GRIA4: variants seen among roughly 807,000 people sequenced by gnomAD.
GRIA4 encodes glutamate ionotropic receptor AMPA type subunit 4, also known as glutamate receptor 4.
A neutral mutation model predicts 104.0 loss-of-function variants in GRIA4; 34 were observed. That is an observed-to-expected ratio of 0.33 (90% confidence interval 0.25 to 0.44). The LOEUF is 0.44. Among genes scored for constraint, GRIA4 ranks in the 20% least tolerant of loss-of-function variants. The probability of loss-of-function intolerance (pLI) is 1.00; values close to 1 mark genes in which losing one functional copy is unlikely to be tolerated. For synonymous variants in GRIA4, 386 were observed against 381.9 expected (o/e 1.01, Z -0.13); for missense variants, 750 against 1,096.5 (o/e 0.68, Z 4.46).
chr11:105,869,075 G>T (rs1945526234), intron 5 of GRIA4, among the ~76,000 whole-genome samples: 1 of 152,026 alleles, frequency 6.6e-6, no homozygotes, highest in African/African-American at 2.4e-5. Context: ...TTAGAAAGGG[G>T]TGTCTAATTG....
rs12787449 is a variant in GRIA4, at chr11:105,926,915, A to T, written c.2022A>T (p.Ser674=). The T allele has an allele frequency of 6.2e-7, 1 of 1,610,064 alleles. No individual in the cohort carries two copies. Among genetic ancestry groups the T allele is most frequent in the South Asian group, 1.1e-5 (1 of 90,992 alleles). ...AAATTGCCTATGGAACACTGGATTCAGGATCAACAAAAGAATTCTTCAGAG... is the reference window on the plus strand; with the variant it reads ...AAATTGCCTATGGAACACTGGATTCTGGATCAACAAAAGAATTCTTCAGAG... ...QTEIAYGTLD[S]GSTKEFFRRS... The change falls in exon 13 of 17, where the codon TCA becomes TCT. Residue 674 remains serine, a synonymous_variant. Coordinates refer to ENST00000282499, the MANE Select transcript of GRIA4 (RefSeq NM_000829.4).
intron 3 of GRIA4, among the ~76,000 whole-genome samples, chr11:105,621,740 T>C (rs10895843): frequency 0.011 from 1,669 of 151,926 alleles, 29 homozygotes; most frequent in African/African-American, 0.039. Context: ...AAAATTGCTA[T>C]ATCAAATAAT....
chr11:105,727,219 C>G (rs1938268808), intron 3 of GRIA4, among the ~76,000 whole-genome samples: 1 of 151,770 alleles, frequency 6.6e-6, no homozygotes, highest in African/African-American at 2.4e-5. Context: ...AAAAACACAG[C>G]ACAAGAACTT....
chr11:105,766,372 G>C (rs140754343), intron 4 of GRIA4, among the ~76,000 whole-genome samples: 5 of 152,186 alleles, frequency 3.3e-5, no homozygotes, highest in Admixed American at 6.5e-5. Flanking sequence ...ATCTATGCAT[G>C]GTAGTTGAAG....
rs951865435 is a variant in GRIA4 at position 105,870,564 on chromosome 11, G to A, written c.672+8356G>A. 2.4e-4 allele frequency among the ~76,000 whole-genome samples: 36 copies of A among 151,268 alleles called. 1 individual carries two copies. Among genetic ancestry groups the A allele is most frequent in the Admixed American group, 9.9e-4 (15 of 15,154 alleles). ...GAAAGGTACAAAAAAAAAAAAGACA[G>A]AAGCAAATTATTGAAAGGGGAGTTT... On this transcript the variant is annotated intron_variant, in intron 5 of 16. Transcript: ENST00000282499.
At chr11:105,661,884 C>T (rs1395054119) in intron 3 of GRIA4, among the ~76,000 whole-genome samples, 34 of 151,590 alleles carry the variant, frequency 2.2e-4, no homozygotes, top group Admixed American at 2.0e-3. Context: ...TTCTTAATCA[C>T]GCTTATATAT....
chr11:105,823,652 A>G lies in GRIA4; in HGVS notation c.488-38372A>G, dbSNP rs566817894. 1.3e-4 allele frequency among the ~76,000 whole-genome samples: 20 copies of G among 152,228 alleles called. No homozygotes were observed. In the East Asian group the frequency reaches 3.9e-3, roughly 30 times the overall value. ...AGTCTTGGCATAATGAACAAAGTAT[A>G]ATAAGATCTATGGATATTGCAATTG... On this transcript the variant is annotated intron_variant, in intron 4 of 16. Transcript: ENST00000282499.
At chr11:105,774,128 T>C (rs1941348514) in intron 4 of GRIA4, among the ~76,000 whole-genome samples, 1 of 151,410 alleles carries the variant, frequency 6.6e-6, no homozygotes, top group African/African-American at 2.4e-5. Flanking sequence ...CATTTGCTAG[T>C]ATAGTGATAA....
chr11:105,728,262 CA>C (rs1322746202), intron 3 of GRIA4, among the ~76,000 whole-genome samples: 4 of 151,996 alleles, frequency 2.6e-5, no homozygotes, highest in Non-Finnish European at 4.4e-5. Context: ...CAACAAAGAT[CA>C]AAAAAGACAA....
At chr11:105,677,387 C>T (rs1287235810) in intron 3 of GRIA4, among the ~76,000 whole-genome samples, 3 of 151,676 alleles carry the variant, frequency 2.0e-5, no homozygotes, top group Non-Finnish European at 4.4e-5. Context: ...TTATAATTTT[C>T]CTGAACTAGG....
rs750910757 is a variant in GRIA4, at chr11:105,862,005, CT to C, written c.488-10del. ...GGGAGTAAAAGCATGTTTTTAGTAA[CT>C]TTTTTTTTCCCCAATAGGATACTCG... On this transcript the variant is annotated intron_variant, in intron 4 of 16. Transcript: ENST00000282499. 1.5e-4 allele frequency: 233 copies of C among 1,533,290 alleles called. No individual in the cohort carries two copies. Among genetic ancestry groups the C allele is most frequent in the Middle Eastern group, 1.7e-4 (1 of 5,806 alleles). The allele number at this position is 1,533,290 out of a possible 1,614,324, so 95.0% of individuals were successfully genotyped here.
intron 6 of GRIA4, among the ~76,000 whole-genome samples, chr11:105,888,359 C>T (rs1946348786): frequency 7.4e-6 from 1 of 134,670 alleles, no homozygotes; most frequent in East Asian, 2.4e-4. Flanking sequence ...TCTCGGCTCA[C>T]TGCAAGCTCC....
At position 105,979,684 on chromosome 11, in the gene GRIA4, G is replaced by T; in HGVS notation, c.2654G>T (p.Gly885Val). The change falls in exon 17 of 17, where the codon GGA (glycine) becomes GTA (valine). Residue 885 changes from glycine (G) to valine (V), a missense_variant. This residue lies in a region of GRIA4 where 68 missense variants were observed against 69.3 expected (regional missense o/e 0.98). Coordinates refer to ENST00000282499, the MANE Select transcript of GRIA4 (RefSeq NM_000829.4). ...GACTGCCCAAAGGCTGTACACACTGGAACTGCAATCAGACAAAGTTCAGGA... is the reference window on the plus strand; with the variant it reads ...GACTGCCCAAAGGCTGTACACACTGTAACTGCAATCAGACAAAGTTCAGGA... The part of the protein sequence containing the change: ...TPDCPKAVHT[G>V]TAIRQSSGLA... 1 of 1,613,976 alleles carries T rather than the reference G, an allele frequency of 6.2e-7. No individual in the cohort carries two copies. Among genetic ancestry groups the T allele is most frequent in the Non-Finnish European group, 8.5e-7 (1 of 1,179,856 alleles).
At chr11:105,647,092 T>A (rs1046687274) in intron 3 of GRIA4, among the ~76,000 whole-genome samples, 1 of 152,042 alleles carries the variant, frequency 6.6e-6, no homozygotes, top group African/African-American at 2.4e-5. Context: ...GTAAGGAACT[T>A]AAATTTACAA....
chr11:105,810,765 C>G (rs776557586), intron 4 of GRIA4, among the ~76,000 whole-genome samples: 2 of 152,082 alleles, frequency 1.3e-5, no homozygotes, highest in African/African-American at 4.8e-5. Flanking sequence ...CCCCACCCCA[C>G]CCTAGCACCT....
chr11:105,851,666 A>T (rs950967983), intron 4 of GRIA4, among the ~76,000 whole-genome samples: 1 of 152,306 alleles, frequency 6.6e-6, no homozygotes, highest in African/African-American at 2.4e-5. Context: ...CGTTAAAGGC[A>T]AGAGAGAATC....
chr11:105,792,442 A>T (rs573431733), intron 4 of GRIA4, among the ~76,000 whole-genome samples: 2 of 152,212 alleles, frequency 1.3e-5, no homozygotes, highest in African/African-American at 4.8e-5. Flanking sequence ...TATAATTAAA[A>T]TTTTTATATA....
At chr11:105,910,354 A>C (rs558478773) in intron 9 of GRIA4, 81 bp from the exon 10 acceptor site, 1 of 710,210 alleles carries the variant, frequency 1.4e-6, no homozygotes, top group South Asian at 1.6e-5. Flanking sequence ...TTGCTTACCT[A>C]TTCATACCCT....
At chr11:105,751,033 T>C (rs1464240021) in intron 3 of GRIA4, among the ~76,000 whole-genome samples, 1 of 152,176 alleles carries the variant, frequency 6.6e-6, no homozygotes, top group Non-Finnish European at 1.5e-5. Flanking sequence ...ATGCATAAGT[T>C]AAAGTACACG....
Sources: gnomAD v4.1 joint callset for allele counts (sites outside exome capture counted in the v4.1 genomes callset) on GRCh38, gnomAD v4.1.1 for gene constraint, gnomAD v4.1.1 regional missense constraint, MANE v1.5 for transcripts, NCBI Gene and HGNC (gene_info 2026-07-23, HGNC 2026-07-21) for gene names.